OGG1: variants seen among roughly 807,000 people sequenced by gnomAD.
OGG1 encodes 8-oxoguanine DNA glycosylase, also known as N-glycosylase/DNA lyase.
A neutral mutation model predicts 42.3 loss-of-function variants in OGG1; 35 were observed. That is an observed-to-expected ratio of 0.83 (90% confidence interval 0.63 to 1.10). OGG1 has a LOEUF of 1.10. Ranked by LOEUF, OGG1 falls within the 50% of genes least tolerant of loss-of-function variation. The pLI is 0.00. For synonymous variants in OGG1, 189 were observed against 179.0 expected (o/e 1.06, Z -0.44); for missense variants, 484 against 446.7 (o/e 1.08, Z -0.75).
At chr3:9,761,348 A>G (rs751889042), downstream of OGG1, 15 of 1,059,796 alleles carry the variant, frequency 1.4e-5, no homozygotes, top group East Asian at 7.4e-5. Context: ...TGGTGGAAGG[A>G]AGGGAGGGAG....
At chr3:9,764,943 C>A (rs2078080609) in intron 7 of OGG1, among the ~76,000 whole-genome samples, 1 of 152,230 alleles carries the variant, frequency 6.6e-6, no homozygotes, top group East Asian at 1.9e-4. Flanking sequence ...ATTAGAAATG[C>A]TCTGCCAGGA....
intron 5 of OGG1, 61 bp downstream of exon 5, chr3:9,756,682 C>G: frequency 1.2e-6 from 2 of 1,612,952 alleles, no homozygotes; most frequent in Admixed American, 1.7e-5. Flanking sequence ...TTCTCTCTCT[C>G]TTAGTCACCT....
chr3:9,754,878 G>A lies in OGG1; in HGVS notation c.740G>A (p.Gly247Asp). Reference protein sequence around the residue: ...HKALCILPGVGTKVADCICLM... With the variant: ...HKALCILPGVDTKVADCICLM... ...GCCCTCTGCATCCTGCCTGGAGTGGGCACCAAGGTGAGGCCCCAGGGGGTA... is the reference window on the plus strand; with the variant it reads ...GCCCTCTGCATCCTGCCTGGAGTGGACACCAAGGTGAGGCCCCAGGGGGTA... Residue 247 changes from glycine (G) to aspartate (D), a missense_variant, in exon 4 of 7, where the codon GGC becomes GAC. Gly to Asp is a moderately conservative substitution (Grantham distance 94). Transcript: ENST00000344629. 8 of 1,593,024 alleles carry A rather than the reference G, an allele frequency of 5.0e-6. No individual in the cohort carries two copies. The highest frequency in any genetic ancestry group is 1.3e-5 in the African/African-American group (1 of 74,682).
chr3:9,760,662 C>T, downstream of OGG1: 1 of 1,613,926 alleles, frequency 6.2e-7, no homozygotes, highest in Non-Finnish European at 8.5e-7. Flanking sequence ...ATACCAGAGT[C>T]AGAGATGTCG....
chr3:9,756,138 G>A (rs540797347), intron 4 of OGG1, among the ~76,000 whole-genome samples: 1 of 152,248 alleles, frequency 6.6e-6, no homozygotes, highest in South Asian at 2.1e-4. Flanking sequence ...CCAACATGGT[G>A]AAACCCCATC....
chr3:9,761,549 G>T (rs766000241), downstream of OGG1: 1 of 1,613,486 alleles, frequency 6.2e-7, no homozygotes, highest in East Asian at 2.2e-5. Flanking sequence ...GTGGAGGGAA[G>T]AGGACGTGGT....
chr3:9,787,675 A>G, intron 3 of OGG1: 1 of 1,357,410 alleles, frequency 7.4e-7, no homozygotes. Flanking sequence ...GTGACAGGGA[A>G]TTACCTTTTG....
At chr3:9,789,271 G>T (rs1014317129), downstream of OGG1, among the ~76,000 whole-genome samples, 2 of 152,184 alleles carry the variant, frequency 1.3e-5, no homozygotes, top group African/African-American at 4.8e-5. Context: ...AGGAACATGG[G>T]CAGACTTCAC....
At chr3:9,759,187 C>T (rs1232151304), downstream of OGG1, 3 of 1,609,846 alleles carry the variant, frequency 1.9e-6, no homozygotes, top group South Asian at 3.3e-5. Context: ...TAACTGACAG[C>T]TCTGTCAGGT....
downstream of OGG1, chr3:9,759,409 T>TGCTGTGCAA: frequency 6.3e-7 from 1 of 1,590,574 alleles, no homozygotes; most frequent in Admixed American, 1.7e-5. Context: ...TGATGCCAGG[T>TGCTGTGCAA]GCTGTGCAAG....
exon 8 of OGG1, chr3:9,766,368 T>C: frequency 1.6e-6 from 1 of 636,046 alleles, no homozygotes; most frequent in South Asian, 1.6e-5. Flanking sequence ...TCCCTTTTTC[T>C]GCTAATTCGA....
chr3:9,750,914 G>T (rs773898438), intron 1 of OGG1, 31 bp from the exon 2 acceptor site: 2 of 1,613,396 alleles, frequency 1.2e-6, no homozygotes, highest in South Asian at 2.2e-5. Flanking sequence ...AGGAAATTGA[G>T]TGCCAGGGTT....
downstream of OGG1, chr3:9,760,879 C>G (rs2125574719): frequency 6.7e-7 from 1 of 1,482,362 alleles, no homozygotes; most frequent in Non-Finnish European, 9.1e-7. Context: ...GGAGTTCCCC[C>G]TTTATAAACT....
At chr3:9,773,042 A>G (rs2078320699) in intron 2 of OGG1, among the ~76,000 whole-genome samples, 1 of 152,086 alleles carries the variant, frequency 6.6e-6, no homozygotes, top group South Asian at 2.1e-4. Flanking sequence ...CAGCCTGGCC[A>G]ACGTGGTGAA....
At chr3:9,757,710 T>C (rs778657888), downstream of OGG1, 1 of 1,614,092 alleles carries the variant, frequency 6.2e-7, no homozygotes, top group South Asian at 1.1e-5. The surrounding 1 kb of genome is among the most constrained non-coding windows in gnomAD (Gnocchi z 4.5). Flanking sequence ...CATGCCCTTC[T>C]GCAGAGCCCG....
intron 7 of OGG1, chr3:9,765,805 C>T (rs1238271621): frequency 6.2e-7 from 1 of 1,614,068 alleles, no homozygotes; most frequent in African/African-American, 1.3e-5. Context: ...TCCTTGCCCT[C>T]CAGGGCCTCC....
chr3:9,775,888 C>T (rs1228704809), intron 2 of OGG1, among the ~76,000 whole-genome samples: 4 of 152,188 alleles, frequency 2.6e-5, no homozygotes, highest in Non-Finnish European at 4.4e-5. Context: ...GATCCGCCTT[C>T]CTTGGCCTCC....
At chr3:9,761,379 G>A, downstream of OGG1, 1 of 1,410,560 alleles carries the variant, frequency 7.1e-7, no homozygotes, top group Non-Finnish European at 9.7e-7. Flanking sequence ...GAGGGCAGAG[G>A]GAGAGCAGAG....
downstream of OGG1, chr3:9,757,721 C>T (rs1326767695): frequency 3.1e-6 from 5 of 1,614,042 alleles, no homozygotes; most frequent in Non-Finnish European, 4.2e-6. This position sits in a 1 kb window ranked among gnomAD's most constrained non-coding sequence, Gnocchi z 4.5. Flanking sequence ...GCAGAGCCCG[C>T]TCCTCACCCC....
Sources: allele counts gnomAD v4.1 joint callset (sites outside exome capture counted in the v4.1 genomes callset), GRCh38; gene constraint gnomAD v4.1.1; non-coding constraint Gnocchi (gnomAD v3.1); transcripts MANE v1.5; gene names NCBI Gene and HGNC (gene_info 2026-07-23, HGNC 2026-07-21).